Variants in LHX2 observed in about 807,000 individuals in gnomAD.
LHX2 encodes LIM/homeobox protein Lhx2.
A neutral mutation model predicts 33.0 loss-of-function variants in LHX2; 6 were observed. The observed-to-expected ratio is 0.18, with a 90% CI of 0.10 to 0.36. The LOEUF (loss-of-function observed/expected upper bound fraction) is 0.36. Ranked by LOEUF, LHX2 falls within the 10% of genes least tolerant of loss-of-function variation. The pLI, the probability that LHX2 is intolerant of heterozygous loss-of-function variation, is 1.00. For missense variants in LHX2, 442 were observed against 586.2 expected, an observed-to-expected ratio of 0.75 and a Z score of 2.54; for synonymous variants, 292 against 253.1, an observed-to-expected ratio of 1.15 and a Z score of -1.46.
In LHX2 at chr9:124,015,014, C is replaced by G; in HGVS notation, c.324-108C>G. The G allele has an allele frequency of 1.6e-6, 2 of 1,289,434 alleles. No homozygotes were observed. The highest frequency in any genetic ancestry group is 2.2e-6 in the Non-Finnish European group (2 of 929,940). 79.9% of individuals were successfully genotyped at this position (1,289,434 alleles called of 1,614,324 possible). A position where few individuals can be genotyped will look rare whatever the true frequency, so the allele number is the denominator to read the frequency against. On this transcript the variant is annotated intron_variant, in intron 2 of 4. Transcript: ENST00000373615. The surrounding 1 kb of genome is among the most constrained non-coding windows in gnomAD (Gnocchi z 7.9). The stretch of plus-strand genomic sequence containing the variant: ...TCCTCCAAATAAAGGCCGGGTTGTT[C>G]GTCTTGAGGAGGGGATTGCCCCCCG...
At chr9:124,028,937 G>A (rs558599526) in intron 4 of LHX2, among the ~76,000 whole-genome samples, 42 of 152,182 alleles carry the variant, frequency 2.8e-4, no homozygotes, top group Admixed American at 4.6e-4. Flanking sequence ...GTGAAACTCC[G>A]TCTGTACTAA....
At chr9:124,031,197 C>T (rs1292118770) in intron 4 of LHX2, among the ~76,000 whole-genome samples, 1 of 152,158 alleles carries the variant, frequency 6.6e-6, no homozygotes. Context: ...GCCGTTCCCA[C>T]GCTGCCTACC....
rs112069275 is a variant in LHX2 at position 124,020,793 on chromosome 9, T to TTGCTGC, written c.728-289_728-284dup. Among the ~76,000 whole-genome samples the TTGCTGC allele has an allele frequency of 6.6e-5, 10 of 152,160 alleles. No individual in the cohort carries two copies. The South Asian group carries it at 1.9e-3, about 28-fold the overall frequency. ...GGCCATCAACAAGTCGTAGCTGTTG[T>TTGCTGC]TGCTGCTGCTGCTGCTGCTGCTACT... On this transcript the variant is annotated intron_variant, in intron 3 of 4. Transcript: ENST00000373615.
At chr9:124,024,322 A>G (rs1340364299) in intron 4 of LHX2, among the ~76,000 whole-genome samples, 2 of 152,282 alleles carry the variant, frequency 1.3e-5, no homozygotes, top group East Asian at 3.8e-4. Context: ...AGACCTAGTA[A>G]GATGAGGTGA....
chr9:124,025,217 C>T (rs1828596036), intron 4 of LHX2, among the ~76,000 whole-genome samples: 2 of 151,946 alleles, frequency 1.3e-5, no homozygotes, highest in Admixed American at 6.6e-5. Flanking sequence ...CCGAGGCGGG[C>T]GGATTACAAG....
At position 124,032,658 on chromosome 9, in the gene LHX2, G is replaced by A; in HGVS notation, c.1172G>A (p.Gly391Asp). 1 of 1,613,272 alleles carries A rather than the reference G, an allele frequency of 6.2e-7. No individual in the cohort carries two copies. The highest frequency in any genetic ancestry group is 8.5e-7 in the Non-Finnish European group (1 of 1,179,424). Residue 391 changes from glycine to aspartate, a missense_variant, in exon 5 of 5, where the codon GGC becomes GAC. Gly to Asp is a moderately conservative substitution (Grantham distance 94). This residue lies in a region of LHX2 where 109 missense variants were observed against 98.7 expected (regional missense o/e 1.10). Coordinates refer to ENST00000373615, the MANE Select transcript of LHX2 (RefSeq NM_004789.4). The surrounding 1 kb of genome is among the most constrained non-coding windows in gnomAD (Gnocchi z 4.1). ...VLTSVPGNLEGHEPHSPSQTT... is the reference protein window; with the variant it reads ...VLTSVPGNLEDHEPHSPSQTT... ...ACTTCTGTGCCTGGCAACCTGGAGG[G>A]CCATGAGCCTCACAGCCCCTCACAA...
At position 124,014,208 on chromosome 9, in the gene LHX2, C is replaced by T. The variant is rs959728399; in HGVS notation, c.323+45C>T. The T allele has an allele frequency of 1.5e-6, 2 of 1,342,754 alleles. No homozygotes were observed. The highest frequency in any genetic ancestry group is 1.6e-5 in the African/African-American group (1 of 63,040). The allele number at this position is 1,342,754 out of a possible 1,614,324, so 83.2% of individuals were successfully genotyped here. On this transcript the variant is annotated intron_variant, in intron 2 of 4. Coordinates refer to ENST00000373615, the MANE Select transcript of LHX2 (RefSeq NM_004789.4). The surrounding 1 kb of genome is among the most constrained non-coding windows in gnomAD (Gnocchi z 4.8). The stretch of plus-strand genomic sequence containing the variant: ...GCCCCTCAGGACCCCTCCCCCCAAT[C>T]TCAGGCACAGTCTTACAGTTTGGCC...
chr9:124,021,462 C>T (rs1350734393), intron 4 of LHX2, among the ~76,000 whole-genome samples, 158 bp downstream of exon 4: 2 of 152,212 alleles, frequency 1.3e-5, no homozygotes, highest in Non-Finnish European at 2.9e-5. Flanking sequence ...TCCAGCCTGT[C>T]CCCATCTGTA....
intron 3 of LHX2, among the ~76,000 whole-genome samples, chr9:124,018,382 G>A (rs1859231993): frequency 1.3e-5 from 2 of 151,982 alleles, no homozygotes; most frequent in Admixed American, 1.3e-4. Flanking sequence ...GGGCACTGGG[G>A]GCGGGAGTGA....
intron 4 of LHX2, among the ~76,000 whole-genome samples, chr9:124,022,323 T>C (rs1588349205): frequency 6.6e-6 from 1 of 152,216 alleles, no homozygotes; most frequent in East Asian, 1.9e-4. Context: ...CAGTGGATGG[T>C]AGCCAATAAC....
Position 124,012,375 on chromosome 9 carries a change from C to G in LHX2, c.27C>G (p.Pro9=). 2.6e-6 allele frequency: 4 copies of G among 1,526,738 alleles called. No individual in the cohort carries two copies. Among genetic ancestry groups the G allele is most frequent in the Non-Finnish European group, 3.5e-6 (4 of 1,141,584 alleles). 94.6% of individuals were successfully genotyped at this position (1,526,738 alleles called of 1,614,324 possible). A position where few individuals can be genotyped will look rare whatever the true frequency, so the allele number is the denominator to read the frequency against. ...TGCTGTTCCACAGTCTGTCGGGCCC[C>G]GAGGTGCACGGGGTCATCGACGAGA... MLFHSLSG[P]EVHGVIDEMD... The change falls in exon 1 of 5, where the codon CCC becomes CCG. Residue 9 remains proline (P), a synonymous_variant. Transcript: ENST00000373615. This position sits in a 1 kb window ranked among gnomAD's most constrained non-coding sequence, Gnocchi z 4.3.
Position 124,032,663 on chromosome 9 carries a change from G to A in LHX2, c.1177G>A (p.Glu393Lys). The part of the protein sequence containing the change: ...TSVPGNLEGH[E>K]PHSPSQTTLT... ...TGTGCCTGGCAACCTGGAGGGCCAT[G>A]AGCCTCACAGCCCCTCACAAACGAC... The change falls in exon 5 of 5, where the codon GAG becomes AAG. Residue 393 changes from glutamate to lysine, a missense_variant. Transcript: ENST00000373615. This position sits in a 1 kb window ranked among gnomAD's most constrained non-coding sequence, Gnocchi z 4.1. 6.2e-7 allele frequency: 1 copy of A among 1,613,302 alleles called. No homozygotes were observed. Among genetic ancestry groups the A allele is most frequent in the Non-Finnish European group, 8.5e-7 (1 of 1,179,438 alleles).
chr9:124,028,387 T>C (rs917782), intron 4 of LHX2, among the ~76,000 whole-genome samples: 61,284 of 151,954 alleles, frequency 0.4, 12,696 homozygotes, highest in Admixed American at 0.49. Flanking sequence ...ACTTGAGGCA[T>C]GTGAAAAGAG....
In LHX2 at chr9:124,012,540, G is replaced by A; in HGVS notation, c.120+72G>A. The A allele has an allele frequency of 2.9e-6, 4 of 1,388,994 alleles. No individual in the cohort carries two copies. Among genetic ancestry groups the A allele is most frequent in the Non-Finnish European group, 3.8e-6 (4 of 1,066,504 alleles). 86.0% of individuals were successfully genotyped at this position (1,388,994 alleles called of 1,614,324 possible). A position where few individuals can be genotyped will look rare whatever the true frequency, so the allele number is the denominator to read the frequency against. ...GGGCCAGTCAGCGCCTCTGCTCCCC[G>A]AAGTTTGGGGAGCGTCCTTCGTGCC... On this transcript the variant is annotated intron_variant, in intron 1 of 4. Coordinates refer to ENST00000373615, the MANE Select transcript of LHX2 (RefSeq NM_004789.4). This position sits in a 1 kb window ranked among gnomAD's most constrained non-coding sequence, Gnocchi z 4.3.
rs1859116134 is a variant in LHX2 at position 124,012,803 on chromosome 9, C to T, written c.120+335C>T. ...TCGACAGCCCCGCGCTCTCCTCCAC[C>T]TCTCGGCTCCGGTTGCTGGCGGCGC... On this transcript the variant is annotated intron_variant, in intron 1 of 4. Coordinates refer to ENST00000373615, the MANE Select transcript of LHX2 (RefSeq NM_004789.4). This position sits in a 1 kb window ranked among gnomAD's most constrained non-coding sequence, Gnocchi z 4.3. 6.6e-6 allele frequency among the ~76,000 whole-genome samples: 1 copy of T among 152,238 alleles called. No homozygotes were observed. The highest frequency in any genetic ancestry group is 1.5e-5 in the Non-Finnish European group (1 of 68,038).
At chr9:124,031,726 C>CTTTTT (rs967630679) in intron 4 of LHX2, 1 of 151,472 alleles carries the variant, frequency 6.6e-6, no homozygotes, top group African/African-American at 2.4e-5. Flanking sequence ...ATTCTACCTG[C>CTTTTT]TTTTTTTTTC....
In LHX2 at chr9:124,015,015, G is replaced by C. The variant is rs961469457; in HGVS notation, c.324-107G>C. On this transcript the variant is annotated intron_variant, in intron 2 of 4. Coordinates refer to ENST00000373615, the MANE Select transcript of LHX2 (RefSeq NM_004789.4). This position sits in a 1 kb window ranked among gnomAD's most constrained non-coding sequence, Gnocchi z 7.9. Reference sequence around the variant, plus strand: ...CCTCCAAATAAAGGCCGGGTTGTTCGTCTTGAGGAGGGGATTGCCCCCCGC... The same window carrying C: ...CCTCCAAATAAAGGCCGGGTTGTTCCTCTTGAGGAGGGGATTGCCCCCCGC... The C allele has an allele frequency of 1.5e-6, 2 of 1,328,402 alleles. No individual in the cohort carries two copies. Among genetic ancestry groups the C allele is most frequent in the South Asian group, 2.7e-5 (2 of 75,040 alleles). The allele number at this position is 1,328,402 out of a possible 1,614,324, so 82.3% of individuals were successfully genotyped here. A position where few individuals can be genotyped will look rare whatever the true frequency, so the allele number is the denominator to read the frequency against.
In LHX2 at chr9:124,012,911, TC is replaced by T. The variant is rs936987766; in HGVS notation, c.120+444del. Reference sequence around the variant, plus strand: ...TGGGCCGCTCCCAGCTTTCCGGCAATCGGGGATCCTCCTCAACCCCCAGCGC... The same window carrying T: ...TGGGCCGCTCCCAGCTTTCCGGCAATGGGGATCCTCCTCAACCCCCAGCGC... On this transcript the variant is annotated intron_variant, in intron 1 of 4. Coordinates refer to ENST00000373615, the MANE Select transcript of LHX2 (RefSeq NM_004789.4). The surrounding 1 kb of genome is among the most constrained non-coding windows in gnomAD (Gnocchi z 4.3). Among the ~76,000 whole-genome samples, 28 of 152,056 alleles carry T rather than the reference TC, an allele frequency of 1.8e-4. No individual in the cohort carries two copies. The highest frequency in any genetic ancestry group is 6.8e-4 in the African/African-American group (28 of 41,404).
chr9:124,013,199 G>T (rs927530875), intron 1 of LHX2, among the ~76,000 whole-genome samples: 1 of 152,238 alleles, frequency 6.6e-6, no homozygotes, highest in Non-Finnish European at 1.5e-5. Context: ...TTAGGAGGCC[G>T]CGGAGGTGGG....
Sources: gnomAD v4.1 joint callset for allele counts (sites outside exome capture counted in the v4.1 genomes callset) on GRCh38, gnomAD v4.1.1 for gene constraint, gnomAD v4.1.1 regional missense constraint, Gnocchi (gnomAD v3.1) non-coding constraint, MANE v1.5 for transcripts, NCBI Gene and HGNC (gene_info 2026-07-23, HGNC 2026-07-21) for gene names.